Variants in SLC26A5 observed in about 807,000 individuals in gnomAD.
The protein encoded by SLC26A5 is prestin.
Under a neutral mutation model 81.0 loss-of-function variants are expected in SLC26A5, and 51 were observed. The observed-to-expected ratio is 0.63, with a 90% CI of 0.50 to 0.80. The LOEUF is 0.80. Among genes scored for constraint, SLC26A5 ranks in the 30% least tolerant of loss-of-function variants. SLC26A5 has a pLI of 0.00. For synonymous variants in SLC26A5, 325 were observed against 332.8 expected (o/e 0.98, Z 0.25); for missense variants, 771 against 905.8 (o/e 0.85, Z 1.91).
chr7:103,432,298 C>A (rs1051473717), intron 2 of SLC26A5, among the ~76,000 whole-genome samples: 1 of 152,154 alleles, frequency 6.6e-6, no homozygotes, highest in Non-Finnish European at 1.5e-5. Flanking sequence ...ACCTATAAAA[C>A]CAATATATAC....
At chr7:103,384,616 T>TAA (rs112141222) in intron 14 of SLC26A5, among the ~76,000 whole-genome samples, 1 of 148,522 alleles carries the variant, frequency 6.7e-6, no homozygotes, top group African/African-American at 2.5e-5. Context: ...GACTCTGTCT[T>TAA]AAAAAAAAAA....
chr7:103,438,802 G>A (rs533455003), intron 2 of SLC26A5, among the ~76,000 whole-genome samples: 1 of 152,198 alleles, frequency 6.6e-6, no homozygotes, highest in Admixed American at 6.5e-5. Context: ...TGATGTGTCG[G>A]CAACTATAGT....
intron 19 of SLC26A5, among the ~76,000 whole-genome samples, chr7:103,365,117 C>T (rs958289761): frequency 6.6e-6 from 1 of 151,692 alleles, no homozygotes; most frequent in Non-Finnish European, 1.5e-5. Context: ...ACTTGCAAGT[C>T]AAATTCAATG....
intron 2 of SLC26A5, among the ~76,000 whole-genome samples, chr7:103,427,647 A>G (rs1271470066): frequency 6.6e-6 from 1 of 152,162 alleles, no homozygotes; most frequent in African/African-American, 2.4e-5. Flanking sequence ...GCATGCCAAT[A>G]ATGAAGATTC....
chr7:103,417,087 C>T (rs1824965542), intron 4 of SLC26A5, among the ~76,000 whole-genome samples: 1 of 151,980 alleles, frequency 6.6e-6, no homozygotes, highest in Non-Finnish European at 1.5e-5. Context: ...TAATTTCTTC[C>T]TAGGCTGGGC....
chr7:103,423,158 G>A (rs10229721), intron 2 of SLC26A5, among the ~76,000 whole-genome samples: 3 of 149,466 alleles, frequency 2.0e-5, no homozygotes, highest in African/African-American at 7.4e-5. Flanking sequence ...TGTAATCCCA[G>A]ATACTTGGGA....
chr7:103,391,500 A>G (rs1822649642), intron 11 of SLC26A5, 122 bp downstream of exon 11: 2 of 775,016 alleles, frequency 2.6e-6, no homozygotes, highest in Non-Finnish European at 4.5e-6. Context: ...TTCCCTACAC[A>G]GCTCACTGGA....
In SLC26A5 at chr7:103,391,645, C is replaced by T. The variant is rs761780277; in HGVS notation, c.1210G>A (p.Glu404Lys). Reference sequence around the variant, plus strand: ...ACCTGTGTCTTCCCACCGGTTCCCTCCTGAACAAGGCTTCGAGACAAGGAG... The same window carrying T: ...ACCTGTGTCTTCCCACCGGTTCCCTTCTGAACAAGGCTTCGAGACAAGGAG... ...SCSLSRSLVQEGTGGKTQLAG... is the reference protein window; with the variant it reads ...SCSLSRSLVQKGTGGKTQLAG... Residue 404 changes from glutamate (E) to lysine (K), a missense_variant, in exon 11 of 20, where the codon GAG becomes AAG. Coordinates refer to ENST00000306312, the MANE Select transcript of SLC26A5 (RefSeq NM_198999.3). 1.2e-6 allele frequency: 2 copies of T among 1,614,160 alleles called. No homozygotes were observed. Among genetic ancestry groups the T allele is most frequent in the Non-Finnish European group, 1.7e-6 (2 of 1,180,018 alleles).
Position 103,401,339 on chromosome 7 carries a change from A to G in SLC26A5, c.889-3325T>C, listed in dbSNP as rs533785572. 5.3e-5 allele frequency among the ~76,000 whole-genome samples: 8 copies of G among 152,264 alleles called. No individual in the cohort carries two copies. The South Asian group carries it at 1.7e-3, about 32-fold the overall frequency. ...TTTCTTCTCTTTGGAGCAATTGTGA[A>G]TGGGAGTTTGCTCATGATTTGGCTC... On this transcript the variant is annotated intron_variant, in intron 8 of 19. Transcript: ENST00000306312.
chr7:103,368,208 T>TTGG (rs1820821683), intron 19 of SLC26A5: 5 of 712,254 alleles, frequency 7.0e-6, no homozygotes, highest in Middle Eastern at 3.6e-4. Flanking sequence ...TTTCTAATGT[T>TTGG]ATTAGGCAGA....
At chr7:103,371,649 C>T (rs1273617590), downstream of SLC26A5, among the ~76,000 whole-genome samples, 1 of 148,306 alleles carries the variant, frequency 6.7e-6, no homozygotes, top group African/African-American at 2.5e-5. Flanking sequence ...ATCTATCAAC[C>T]ATAGTATCTG....
intron 19 of SLC26A5, among the ~76,000 whole-genome samples, chr7:103,375,426 T>TC (rs1223239029): frequency 6.6e-6 from 1 of 152,134 alleles, no homozygotes; most frequent in Admixed American, 6.5e-5. Flanking sequence ...TAGTCTGCCC[T>TC]CCATAGGGGC....
At chr7:103,379,183 T>C in intron 16 of SLC26A5, 60 bp downstream of exon 16, 1 of 1,175,426 alleles carries the variant, frequency 8.5e-7, no homozygotes, top group Non-Finnish European at 1.3e-6. Flanking sequence ...CTAGTGATCC[T>C]CATATCCCTG....
chr7:103,390,767 T>A (rs1429205213), intron 11 of SLC26A5, among the ~76,000 whole-genome samples: 1 of 152,122 alleles, frequency 6.6e-6, no homozygotes, highest in African/African-American at 2.4e-5. Flanking sequence ...GGAGGAAAGA[T>A]GTCTGGTGCC....
intron 15 of SLC26A5, among the ~76,000 whole-genome samples, chr7:103,379,663 A>C (rs1821631683): frequency 6.6e-6 from 1 of 152,162 alleles, no homozygotes; most frequent in South Asian, 2.1e-4. Context: ...ATACTCAAAA[A>C]CAGAAAAGAA....
intron 19 of SLC26A5, among the ~76,000 whole-genome samples, chr7:103,354,623 G>A (rs762454776): frequency 2.0e-5 from 3 of 151,952 alleles, no homozygotes; most frequent in Non-Finnish European, 4.4e-5. Flanking sequence ...ACCCGCCTCC[G>A]CCCCCTAAAG....
chr7:103,400,180 CCCA>C (rs1194271883), intron 8 of SLC26A5, among the ~76,000 whole-genome samples: 3 of 152,160 alleles, frequency 2.0e-5, no homozygotes, highest in Non-Finnish European at 4.4e-5. Context: ...AATTTACACT[CCCA>C]CCAACAGTGT....
intron 19 of SLC26A5, 111 bp from the exon 20 acceptor site, chr7:103,374,703 TTC>T: frequency 8.8e-7 from 1 of 1,136,904 alleles, no homozygotes; most frequent in Admixed American, 2.5e-5. Context: ...TGTTTTTTGT[TTC>T]TTTTTTTTTT....
intron 19 of SLC26A5, chr7:103,365,993 T>G (rs1321864319): frequency 2.8e-6 from 3 of 1,089,156 alleles, no homozygotes; most frequent in Non-Finnish European, 4.0e-6. Context: ...GAATAAATAT[T>G]GAAAAGTTTG....
Sources: gnomAD v4.1 joint callset for allele counts (sites outside exome capture counted in the v4.1 genomes callset) on GRCh38, gnomAD v4.1.1 for gene constraint, MANE v1.5 for transcripts, NCBI Gene and HGNC (gene_info 2026-07-23, HGNC 2026-07-21) for gene names.